Variants in CCDC73 observed in about 807,000 individuals in gnomAD.
CCDC73 encodes the protein coiled-coil domain-containing protein 73.
In CCDC73, 95 loss-of-function variants were observed where a neutral mutation model predicts 116.5. That is an observed-to-expected ratio of 0.82 (90% CI 0.69 to 0.97). The LOEUF (loss-of-function observed/expected upper bound fraction) is 0.97, where lower values mean the gene tolerates loss of function less well. CCDC73 is among the 50% of genes least tolerant of loss of function. CCDC73 has a pLI of 0.00. For missense variants in CCDC73, 1,066 were observed against 1,206.8 expected, an observed-to-expected ratio of 0.88 and a Z score of 1.73; for synonymous variants, 398 against 401.3, an observed-to-expected ratio of 0.99 and a Z score of 0.10.
At chr11:32,731,426 T>G (rs189448525) in intron 2 of CCDC73, among the ~76,000 whole-genome samples, 1 of 152,274 alleles carries the variant, frequency 6.6e-6, no homozygotes, top group African/African-American at 2.4e-5. Flanking sequence ...AAGAGAGTAG[T>G]CGTTCTCCCA....
In CCDC73 at chr11:32,616,047, T is replaced by C. The variant is rs1855471049; in HGVS notation, c.1268A>G (p.Glu423Gly). 2 of 1,604,172 alleles carry C rather than the reference T, an allele frequency of 1.2e-6. No homozygotes were observed. Among genetic ancestry groups the C allele is most frequent in the Admixed American group, 3.4e-5 (2 of 58,608 alleles). ...CATATTTTCTTCCCTTATTTCTTGC[T>C]CAGTATTATATTTCTGTATAATGGT... is the stretch of plus-strand genomic sequence containing the variant. Reference protein sequence around the residue: ...ENTIIQKYNTEQEIREENMEN... With the variant: ...ENTIIQKYNTGQEIREENMEN... The change falls in exon 15 of 18, where the codon GAG becomes GGG. Residue 423 changes from glutamate to glycine, a missense_variant. Physicochemically the swap from Glu to Gly is moderately conservative, Grantham distance 98 (BLOSUM62 -2). Coordinates refer to ENST00000335185, the MANE Select transcript of CCDC73 (RefSeq NM_001008391.4).
At chr11:32,820,085 T>C in the CCDC73 span, among the ~76,000 whole-genome samples, 2 of 152,232 alleles carry the variant, frequency 1.3e-5, no homozygotes, top group South Asian at 4.1e-4. Context: ...AAAAGTCATT[T>C]GAAAGTAGAG....
At chr11:32,829,195 G>T in the CCDC73 span, among the ~76,000 whole-genome samples, 2 of 152,188 alleles carry the variant, frequency 1.3e-5, no homozygotes, top group African/African-American at 4.8e-5. Context: ...TCTATAAAAT[G>T]TACATACTGA....
At chr11:32,818,052 C>T in the CCDC73 span, among the ~76,000 whole-genome samples, 1 of 152,212 alleles carries the variant, frequency 6.6e-6, no homozygotes, top group South Asian at 2.1e-4. Context: ...AGTCCTTTCA[C>T]CTAGTTGGCC....
In CCDC73 at chr11:32,698,174, G is replaced by A. The variant is rs369130965; in HGVS notation, c.390+1077C>T. On this transcript the variant is annotated intron_variant, in intron 6 of 17. Transcript: ENST00000335185. ...CGAGTAGCTGGGACTACAGGCGCCC[G>A]CCACCACGCCCAGCTAATTTTTTGT... Among the ~76,000 whole-genome samples the A allele has an allele frequency of 1.1e-3, 168 of 151,742 alleles. 1 individual carries two copies. The East Asian group carries it at 0.016, about 14-fold the overall frequency.
At chr11:32,796,855 C>G (rs1350457905), upstream of CCDC73, among the ~76,000 whole-genome samples, 1 of 151,702 alleles carries the variant, frequency 6.6e-6, no homozygotes, top group African/African-American at 2.4e-5. Context: ...ACAAAAAATA[C>G]AAAAATGAGC....
chr11:32,695,002 T>C (rs1856295891), intron 6 of CCDC73, among the ~76,000 whole-genome samples: 1 of 152,180 alleles, frequency 6.6e-6, no homozygotes, highest in South Asian at 2.1e-4. Context: ...TGATGCCTTG[T>C]GGTACCCTTC....
At chr11:32,721,770 T>G (rs1298779146) in intron 2 of CCDC73, among the ~76,000 whole-genome samples, 1 of 152,012 alleles carries the variant, frequency 6.6e-6, no homozygotes, top group African/African-American at 2.4e-5. Context: ...GCTAATTTTT[T>G]GTATTTTTAG....
At chr11:32,687,346 C>T (rs1856211110) in intron 6 of CCDC73, among the ~76,000 whole-genome samples, 1 of 151,878 alleles carries the variant, frequency 6.6e-6, no homozygotes, top group Admixed American at 6.6e-5. Flanking sequence ...GGAGGGTGAC[C>T]CTGCAAAAGG....
At chr11:32,679,212 G>A (rs1222586988) in intron 7 of CCDC73, among the ~76,000 whole-genome samples, 1 of 152,040 alleles carries the variant, frequency 6.6e-6, no homozygotes, top group Non-Finnish European at 1.5e-5. Flanking sequence ...TAGTAATGGT[G>A]AGCAATAATG....
At chr11:32,664,893 G>A (rs1431728485) in intron 9 of CCDC73, among the ~76,000 whole-genome samples, 6 of 152,130 alleles carry the variant, frequency 3.9e-5, no homozygotes, top group African/African-American at 1.4e-4. Flanking sequence ...ACATCTTCAT[G>A]TCTGCCTTCA....
intron 9 of CCDC73, among the ~76,000 whole-genome samples, chr11:32,659,986 C>T (rs1855907496): frequency 2.0e-5 from 3 of 152,084 alleles, no homozygotes. Context: ...GAACCAAACA[C>T]TGCCATGAGG....
At chr11:32,760,360 C>A in intron 1 of CCDC73, 102 bp from the exon 2 acceptor site, 2 of 654,150 alleles carry the variant, frequency 3.1e-6, no homozygotes, top group Non-Finnish European at 5.1e-6. Flanking sequence ...CATAATCCTC[C>A]AATTTCAGCA....
At chr11:32,603,409 C>A (rs975578430) in intron 17 of CCDC73, 13 of 157,094 alleles carry the variant, frequency 8.3e-5, no homozygotes, top group African/African-American at 2.9e-4. Context: ...AGGTTCTTTT[C>A]TGATGTTAAA....
chr11:32,776,989 GTATATATATATA>G (rs71063758), intron 1 of CCDC73, among the ~76,000 whole-genome samples: 22,063 of 101,140 alleles, frequency 0.22, 2,144 homozygotes, highest in Middle Eastern at 0.32. Flanking sequence ...ATATACACAT[GTATATATATATA>G]TATATATATA....
intron 2 of CCDC73, among the ~76,000 whole-genome samples, chr11:32,738,522 C>A (rs1159837397): frequency 2.0e-5 from 3 of 152,008 alleles, no homozygotes; most frequent in Non-Finnish European, 2.9e-5. Context: ...ATATTCAGAT[C>A]TTTTGCCCAT....
chr11:32,781,226 T>C (rs1850580844), intron 1 of CCDC73, among the ~76,000 whole-genome samples: 1 of 152,074 alleles, frequency 6.6e-6, no homozygotes, highest in African/African-American at 2.4e-5. Flanking sequence ...GGACTCAGAG[T>C]CTTCTAATTA....
At chr11:32,786,866 T>C (rs1286872141) in intron 1 of CCDC73, among the ~76,000 whole-genome samples, 1 of 152,140 alleles carries the variant, frequency 6.6e-6, no homozygotes, top group Admixed American at 6.5e-5. Context: ...CTGTAGATAG[T>C]CTCTTGTCTT....
intron 17 of CCDC73, among the ~76,000 whole-genome samples, chr11:32,606,879 G>A (rs113022922): frequency 0.1 from 14,448 of 139,116 alleles, 993 homozygotes; most frequent in Non-Finnish European, 0.15. Flanking sequence ...GGCACAATCG[G>A]CTCACTGCAA....
Sources: gnomAD v4.1 joint callset for allele counts (sites outside exome capture counted in the v4.1 genomes callset) on GRCh38, gnomAD v4.1.1 for gene constraint, MANE v1.5 for transcripts, NCBI Gene and HGNC (gene_info 2026-07-23, HGNC 2026-07-21) for gene names.